MICAL3: variants seen among roughly 807,000 people sequenced by gnomAD.
MICAL3 encodes the protein microtubule associated monooxygenase, calponin and LIM domain containing 3.
In MICAL3, 62 loss-of-function variants were observed where a neutral mutation model predicts 207.4. The ratio of observed to expected loss-of-function variants is 0.30; its 90% CI spans 0.24 to 0.37. MICAL3 has a LOEUF of 0.37. Ranked by LOEUF, MICAL3 falls within the 10% of genes least tolerant of loss-of-function variation. MICAL3 has a pLI of 1.00. For synonymous variants in MICAL3, 1,077 were observed against 1,069.3 expected, an observed-to-expected ratio of 1.01 and a Z score of -0.14; for missense variants, 2,368 against 2,635.6, an observed-to-expected ratio of 0.90 and a Z score of 2.22.
intron 29 of MICAL3, among the ~76,000 whole-genome samples, chr22:17,802,288 C>T (rs2061948845): frequency 6.6e-6 from 1 of 152,184 alleles, no homozygotes; most frequent in African/African-American, 2.4e-5. Flanking sequence ...TAGTTTCAAA[C>T]TCCTGGGCTC....
chr22:17,976,589 A>ATT (rs1195101695), intron 1 of MICAL3, among the ~76,000 whole-genome samples: 1,321 of 67,050 alleles, frequency 0.02, 30 homozygotes, highest in Middle Eastern at 0.034. Context: ...ATATATATAT[A>ATT]TTTTTTTTTT....
chr22:17,940,072 C>T (rs1359563821), intron 1 of MICAL3, among the ~76,000 whole-genome samples: 1 of 152,224 alleles, frequency 6.6e-6, no homozygotes, highest in Non-Finnish European at 1.5e-5. Flanking sequence ...GGCCCCTGGA[C>T]TTCATCCCTC....
chr22:17,809,071 T>G, intron 28 of MICAL3, 134 bp from the exon 29 acceptor site: 1 of 735,836 alleles, frequency 1.4e-6, no homozygotes, highest in Middle Eastern at 2.4e-4. Flanking sequence ...GGCGGTGCGC[T>G]CAGGGTGTGG....
intron 12 of MICAL3, among the ~76,000 whole-genome samples, 194 bp from the exon 13 acceptor site, chr22:17,889,424 A>C (rs1930212445): frequency 6.6e-6 from 1 of 152,056 alleles, no homozygotes. Context: ...AAGCAAAGCA[A>C]CCTCAGGAAG....
chr22:17,827,815 G>A (rs2146034037), intron 21 of MICAL3, 34 bp from the exon 22 acceptor site: 1 of 1,524,012 alleles, frequency 6.6e-7, no homozygotes, highest in Non-Finnish European at 8.9e-7. Context: ...GGAGAAATGA[G>A]GTGGGGAAGG....
At chr22:17,961,089 A>G (rs5992919) in intron 1 of MICAL3, among the ~76,000 whole-genome samples, 30,437 of 152,100 alleles carry the variant, frequency 0.2, 3,208 homozygotes, top group Middle Eastern at 0.27. Flanking sequence ...TAGGGACACC[A>G]GGGTGGGCAT....
In MICAL3 at chr22:17,902,738, T is replaced by A; in HGVS notation, c.482A>T (p.Gln161Leu). 1 of 1,587,938 alleles carries A rather than the reference T, an allele frequency of 6.3e-7. No individual in the cohort carries two copies. Among genetic ancestry groups the A allele is most frequent in the Non-Finnish European group, 8.6e-7 (1 of 1,162,958 alleles). The change falls in exon 4 of 32, where the codon CAG becomes CTG. Residue 161 changes from glutamine (Q) to leucine (L), a missense_variant. Gln to Leu is a moderately radical substitution (Grantham distance 113, BLOSUM62 -2). Transcript: ENST00000441493. This position sits in a 1 kb window ranked among gnomAD's most constrained non-coding sequence, Gnocchi z 4.5. Reference protein sequence around the residue: ...AGAIDHISIRQLQLILLKVAL... With the variant: ...AGAIDHISIRLLQLILLKVAL... ...TACTTTCAAAAGTATTAGTTGGAGC[T>A]GACGGATACCTGGGAGAATACAGAG...
At chr22:17,823,757 T>A (rs1921884926) in intron 22 of MICAL3, among the ~76,000 whole-genome samples, 1 of 152,118 alleles carries the variant, frequency 6.6e-6, no homozygotes, top group South Asian at 2.1e-4. Flanking sequence ...GATTACAACA[T>A]CCGAAAAAAA....
At chr22:17,876,934 TTAGG>T (rs1928567779) in intron 16 of MICAL3, 1 of 128,920 alleles carries the variant, frequency 7.8e-6, no homozygotes, top group South Asian at 2.4e-4. Context: ...GTTAGGGAGG[TTAGG>T]GAGGTTATGG....
In MICAL3 at chr22:17,904,801, T is replaced by G; in HGVS notation, c.303A>C (p.Thr101=). The change falls in exon 3 of 32, where the codon ACA becomes ACC. Residue 101 remains threonine, a synonymous_variant. Transcript: ENST00000441493. ...CCCCCAGTAAGGATAAGTCGATGGC[T>G]GTACGGAGACCACAGGGGCCAGCCC... ...IIGAGPCGLR[T]AIDLSLLGAK... 6.2e-7 allele frequency: 1 copy of G among 1,614,006 alleles called. No individual in the cohort carries two copies.
intron 20 of MICAL3, among the ~76,000 whole-genome samples, chr22:17,838,119 A>T (rs1352566172): frequency 1.3e-5 from 2 of 152,208 alleles, no homozygotes; most frequent in Non-Finnish European, 2.9e-5. Context: ...TTATATTTTT[A>T]GCCAAGCATC....
rs1186001554 is a variant in MICAL3 at position 17,787,883 on chromosome 22, A to C, written c.*2849T>G. On this transcript the variant is annotated 3_prime_UTR_variant, in exon 32 of 32. Coordinates refer to ENST00000441493, the MANE Select transcript of MICAL3 (RefSeq NM_015241.3). ...GGCCTGGAAGCCCACGGGGTGCAGC[A>C]TCCTCAAGCCCAGGGGCGGGAGCGC... The C allele has an allele frequency of 6.6e-6, 1 of 152,264 alleles. No homozygotes were observed. The highest frequency in any genetic ancestry group is 2.4e-5 in the African/African-American group (1 of 41,476). The allele number at this position is 152,264 out of a possible 1,614,324, so 9.4% of individuals were successfully genotyped here.
chr22:17,934,067 C>T (rs1242609608), intron 1 of MICAL3, among the ~76,000 whole-genome samples: 1 of 152,208 alleles, frequency 6.6e-6, no homozygotes, highest in Non-Finnish European at 1.5e-5. Context: ...GGTACCATTC[C>T]TTCTGAAACT....
chr22:17,807,606 T>G (rs1476245691), intron 29 of MICAL3, among the ~76,000 whole-genome samples: 1 of 152,180 alleles, frequency 6.6e-6, no homozygotes, highest in Non-Finnish European at 1.5e-5. Context: ...AGTAGCCCTA[T>G]AAGCTGCAAT....
intron 29 of MICAL3, among the ~76,000 whole-genome samples, chr22:17,800,708 G>A (rs989437632): frequency 6.6e-6 from 1 of 152,104 alleles, no homozygotes; most frequent in African/African-American, 2.4e-5. Flanking sequence ...GAAATGAGAC[G>A]GGTGCTATGG....
intron 29 of MICAL3, among the ~76,000 whole-genome samples, chr22:17,795,673 C>T (rs1046275685): frequency 6.6e-6 from 1 of 152,250 alleles, no homozygotes; most frequent in Non-Finnish European, 1.5e-5. Flanking sequence ...TTTCTCCTAG[C>T]AAGAGGCAGA....
At position 17,941,669 on chromosome 22, in the gene MICAL3, G is replaced by A. The variant is rs138764122; in HGVS notation, c.-74-34783C>T. On this transcript the variant is annotated intron_variant, in intron 1 of 31. Transcript: ENST00000441493. ...TCTTGGGATACAGGAACTGAGAAGC[G>A]AAGAAGAAAAATGTATTTTTACTAT... Among the ~76,000 whole-genome samples, 33 of 152,340 alleles carry A rather than the reference G, an allele frequency of 2.2e-4. 1 individual carries two copies. The East Asian group carries it at 5.4e-3, about 25-fold the overall frequency.
chr22:17,861,843 G>A, intron 19 of MICAL3: 2 of 985,470 alleles, frequency 2.0e-6, no homozygotes, highest in Non-Finnish European at 2.4e-6. Context: ...AGCAGGTACA[G>A]ATTTGGTTAC....
At chr22:17,844,501 A>G (rs1924429580) in intron 19 of MICAL3, among the ~76,000 whole-genome samples, 1 of 152,238 alleles carries the variant, frequency 6.6e-6, no homozygotes, top group Non-Finnish European at 1.5e-5. Flanking sequence ...TCACAGGATA[A>G]GGTCTTGGCA....
Sources: gnomAD v4.1 joint callset for allele counts (sites outside exome capture counted in the v4.1 genomes callset) on GRCh38, gnomAD v4.1.1 for gene constraint, Gnocchi (gnomAD v3.1) non-coding constraint, MANE v1.5 for transcripts, NCBI Gene and HGNC (gene_info 2026-07-23, HGNC 2026-07-21) for gene names.